The following AGMO variants were observed in gnomAD, a reference collection of about 807,000 sequenced individuals.
The protein encoded by AGMO is alkylglycerol monooxygenase, also known as glyceryl-ether monooxygenase.
Under a neutral mutation model 60.2 loss-of-function variants are expected in AGMO, and 75 were observed. The observed-to-expected ratio is 1.25, with a 90% CI of 1.03 to 1.51. The LOEUF (loss-of-function observed/expected upper bound fraction) is 1.51, where lower values mean the gene tolerates loss of function less well. Among genes scored for constraint, AGMO ranks in the 40% most tolerant of loss-of-function variants. The pLI is 0.00. For missense variants in AGMO, 763 were observed against 525.5 expected, an observed-to-expected ratio of 1.45 and a Z score of -4.42; for synonymous variants, 261 against 177.1, an observed-to-expected ratio of 1.47 and a Z score of -3.76.
At chr7:15,469,132 G>A (rs1782371407) in intron 3 of AGMO, among the ~76,000 whole-genome samples, 1 of 152,010 alleles carries the variant, frequency 6.6e-6, no homozygotes, top group African/African-American at 2.4e-5. Flanking sequence ...GTGTTGATAA[G>A]TTACCACAAT....
intron 12 of AGMO, among the ~76,000 whole-genome samples, chr7:15,321,584 G>C (rs1781110293): frequency 6.6e-6 from 1 of 152,110 alleles, no homozygotes. Context: ...CTTAGCATTT[G>C]TAGATAAGAC....
intron 12 of AGMO, among the ~76,000 whole-genome samples, chr7:15,353,204 C>T (rs999889601): frequency 2.0e-5 from 3 of 152,066 alleles, no homozygotes; most frequent in Non-Finnish European, 4.4e-5. Flanking sequence ...TAATTCACCA[C>T]GCTGACGTTG....
chr7:15,298,899 C>A (rs1784476542), intron 12 of AGMO, among the ~76,000 whole-genome samples: 1 of 152,148 alleles, frequency 6.6e-6, no homozygotes, highest in African/African-American at 2.4e-5. Flanking sequence ...ATTCATCACT[C>A]TTTGTCTCGC....
chr7:15,386,257 A>G (rs1304702686), intron 9 of AGMO, among the ~76,000 whole-genome samples: 2 of 152,198 alleles, frequency 1.3e-5, no homozygotes, highest in Admixed American at 1.3e-4. Context: ...ATTTTATTGG[A>G]AACAACTTTT....
chr7:15,336,729 T>C (rs552259313), intron 12 of AGMO, among the ~76,000 whole-genome samples: 69 of 152,174 alleles, frequency 4.5e-4, no homozygotes, highest in Non-Finnish European at 7.5e-4. Flanking sequence ...GAAACTAAAC[T>C]GTGTTATTTC....
intron 3 of AGMO, among the ~76,000 whole-genome samples, chr7:15,432,355 T>C (rs866909038): frequency 1.2e-4 from 13 of 104,456 alleles, no homozygotes; most frequent in African/African-American, 4.3e-4. Context: ...TACATACATA[T>C]ATATATACAC....
At chr7:15,487,284 A>T (rs1782949196) in intron 3 of AGMO, among the ~76,000 whole-genome samples, 1 of 152,156 alleles carries the variant, frequency 6.6e-6, no homozygotes, top group Non-Finnish European at 1.5e-5. Flanking sequence ...TTATAATAAG[A>T]CTTACAGTCT....
the AGMO span, among the ~76,000 whole-genome samples, chr7:15,135,734 G>C: frequency 2.3e-5 from 3 of 133,216 alleles, no homozygotes; most frequent in African/African-American, 7.9e-5. Context: ...AAGATAATCT[G>C]CTTATTCCTC....
intron 3 of AGMO, among the ~76,000 whole-genome samples, chr7:15,522,086 A>G (rs1418098221): frequency 5.9e-5 from 9 of 152,112 alleles, no homozygotes; most frequent in Non-Finnish European, 1.2e-4. Context: ...TCATGAGTGA[A>G]CTCTCATTCA....
chr7:15,561,067 A>G (rs1335916415), intron 1 of AGMO, among the ~76,000 whole-genome samples: 1 of 152,140 alleles, frequency 6.6e-6, no homozygotes, highest in African/African-American at 2.4e-5. Context: ...ATATTCTATG[A>G]TGTCATTTTT....
chr7:15,398,622 G>T (rs567134803), intron 5 of AGMO, among the ~76,000 whole-genome samples: 1 of 152,296 alleles, frequency 6.6e-6, no homozygotes, highest in East Asian at 1.9e-4. Flanking sequence ...TTGGCAATTC[G>T]ACGACGTCTA....
chr7:15,185,469 T>C, the AGMO span, among the ~76,000 whole-genome samples: 5 of 152,190 alleles, frequency 3.3e-5, no homozygotes, highest in Admixed American at 3.3e-4. Flanking sequence ...CTAAAATCCC[T>C]GAACGTGCTT....
chr7:15,230,156 A>AAAAT lies in AGMO; in HGVS notation c.1264-28801_1264-28798dup, dbSNP rs1782216658. ...CAAAGGAAAAGAAAAGAGGAGGAGG[A>AAAAT]AAATAAGAAGAAACAGTAATACCAG... On this transcript the variant is annotated intron_variant, in intron 12 of 12. Coordinates refer to ENST00000342526, the MANE Select transcript of AGMO (RefSeq NM_001004320.2). 2.6e-5 allele frequency among the ~76,000 whole-genome samples: 4 copies of AAAAT among 152,150 alleles called. No homozygotes were observed. The South Asian group carries it at 8.3e-4, about 32-fold the overall frequency.
At chr7:15,422,608 G>A (rs1326590238) in intron 4 of AGMO, among the ~76,000 whole-genome samples, 1 of 152,130 alleles carries the variant, frequency 6.6e-6, no homozygotes, top group Non-Finnish European at 1.5e-5. Flanking sequence ...TGTTGAAGAG[G>A]CAGCAGTGGG....
At chr7:15,327,442 C>T (rs1322874453) in intron 12 of AGMO, among the ~76,000 whole-genome samples, 3 of 152,130 alleles carry the variant, frequency 2.0e-5, no homozygotes, top group Non-Finnish European at 2.9e-5. Context: ...GGCTGAGTCT[C>T]AGACATCTTT....
chr7:15,339,816 T>C (rs913605165), intron 12 of AGMO, among the ~76,000 whole-genome samples: 2 of 152,222 alleles, frequency 1.3e-5, no homozygotes, highest in African/African-American at 2.4e-5. Flanking sequence ...GAAAGCATGA[T>C]ATTTCTAAAA....
At position 15,366,242 on chromosome 7, in the gene AGMO, A is replaced by G. The variant is rs775698680; in HGVS notation, c.1075-20T>C. 3.8e-6 allele frequency: 6 copies of G among 1,576,870 alleles called. No homozygotes were observed. The highest frequency in any genetic ancestry group is 1.7e-6 in the Non-Finnish European group (2 of 1,154,374). ...CAGTGCCTGTCAAACAAACACGGAG[A>G]TCAATGGAGCCGTTAGAAGAATTGT... On this transcript the variant is annotated intron_variant, in intron 10 of 12. Coordinates refer to ENST00000342526, the MANE Select transcript of AGMO (RefSeq NM_001004320.2).
chr7:15,157,254 C>T, the AGMO span, among the ~76,000 whole-genome samples: 3 of 152,126 alleles, frequency 2.0e-5, no homozygotes, highest in African/African-American at 7.2e-5. Context: ...GAGGAAGGAC[C>T]ATGAGGCTTA....
the AGMO span, among the ~76,000 whole-genome samples, chr7:15,154,366 G>A: frequency 6.6e-6 from 1 of 152,078 alleles, no homozygotes; most frequent in Non-Finnish European, 1.5e-5. Flanking sequence ...CCAAAATACT[G>A]CTGAAAGGAA....
Sources: gnomAD v4.1 joint callset for allele counts (sites outside exome capture counted in the v4.1 genomes callset) on GRCh38, gnomAD v4.1.1 for gene constraint, MANE v1.5 for transcripts, NCBI Gene and HGNC (gene_info 2026-07-23, HGNC 2026-07-21) for gene names.